The following MPRIP variants were observed in gnomAD, a reference collection of about 807,000 sequenced individuals.
MPRIP encodes myosin phosphatase Rho interacting protein, also known as myosin phosphatase Rho-interacting protein.
Under a neutral mutation model 234.9 loss-of-function variants are expected in MPRIP, and 59 were observed. The observed-to-expected ratio is 0.25, with a 90% CI of 0.20 to 0.31. MPRIP has a LOEUF of 0.31. MPRIP is among the 10% of genes least tolerant of loss of function. The pLI is 1.00. For synonymous variants in MPRIP, 1,144 were observed against 1,263.9 expected, an observed-to-expected ratio of 0.91 and a Z score of 2.01; for missense variants, 2,436 against 3,071.0, an observed-to-expected ratio of 0.79 and a Z score of 4.89.
intron 14 of MPRIP, among the ~76,000 whole-genome samples, chr17:17,160,143 C>T (rs1190630764): frequency 6.6e-6 from 1 of 151,992 alleles, no homozygotes; most frequent in Non-Finnish European, 1.5e-5. Flanking sequence ...CCGAGGCGGG[C>T]GGATCACAAG....
intron 9 of MPRIP, among the ~76,000 whole-genome samples, chr17:17,144,321 A>C (rs779053472): frequency 6.6e-6 from 1 of 152,142 alleles, no homozygotes; most frequent in Non-Finnish European, 1.5e-5. Context: ...TGCCAACCAC[A>C]GATTGATGTG....
At chr17:17,135,777 C>G (rs955209160) in intron 5 of MPRIP, among the ~76,000 whole-genome samples, 6 of 152,206 alleles carry the variant, frequency 3.9e-5, no homozygotes, top group Admixed American at 3.3e-4. Context: ...TGTGGGGAGA[C>G]ACAGACATTG....
At chr17:17,134,258 C>G (rs964872838) in intron 5 of MPRIP, among the ~76,000 whole-genome samples, 1 of 152,220 alleles carries the variant, frequency 6.6e-6, no homozygotes, top group African/African-American at 2.4e-5. Flanking sequence ...CCCTGCTTGG[C>G]AAGCAAGGCT....
rs1279607183 is a variant in MPRIP, at chr17:17,165,849, C to A, written c.4258C>A (p.His1420Asn). ...QSREALLALH[H>N]QWAGTEAQLR... ...CCGTGAGGCACTGCTCGCACTGCAC[C>A]ACCAGTGGGCGGGCACCGAGGCCCA... is the stretch of plus-strand genomic sequence containing the variant. The change falls in exon 16 of 24, where the codon CAC becomes AAC. Residue 1420 changes from histidine (H) to asparagine (N), a missense_variant. Physicochemically the swap from His to Asn is moderately conservative, Grantham distance 68. This residue lies in a region of MPRIP where 1,998 missense variants were observed against 2,520.3 expected (regional missense o/e 0.79). Transcript: ENST00000651222. The A allele has an allele frequency of 5.4e-6, 7 of 1,304,222 alleles. No homozygotes were observed. The highest frequency in any genetic ancestry group is 7.1e-6 in the Non-Finnish European group (7 of 988,966). The allele number at this position is 1,304,222 out of a possible 1,614,324, so 80.8% of individuals were successfully genotyped here.
intron 1 of MPRIP, chr17:17,057,975 A>G (rs1811637532): frequency 2.3e-6 from 1 of 431,940 alleles, no homozygotes; most frequent in African/African-American, 2.0e-5. Context: ...TAAGAAAGAG[A>G]ACACTGACAT....
intron 3 of MPRIP, among the ~76,000 whole-genome samples, chr17:17,109,935 A>G (rs2090137388): frequency 6.6e-6 from 1 of 152,064 alleles, no homozygotes; most frequent in Non-Finnish European, 1.5e-5. Flanking sequence ...TAAATACTGT[A>G]ATGTTGGATT....
chr17:17,127,119 C>A (rs1168330772), intron 4 of MPRIP, among the ~76,000 whole-genome samples: 1 of 152,222 alleles, frequency 6.6e-6, no homozygotes, highest in Non-Finnish European at 1.5e-5. Context: ...ACTCACCACA[C>A]CCCCAACTCA....
intron 23 of MPRIP, among the ~76,000 whole-genome samples, chr17:17,180,934 C>T (rs1011494975): frequency 2.0e-5 from 3 of 152,230 alleles, no homozygotes; most frequent in Admixed American, 2.0e-4. Flanking sequence ...CTGTGCACAA[C>T]GGCTGAACTC....
chr17:17,097,885 A>G (rs1233304479), intron 3 of MPRIP, among the ~76,000 whole-genome samples: 1 of 152,184 alleles, frequency 6.6e-6, no homozygotes, highest in Non-Finnish European at 1.5e-5. Flanking sequence ...CACCACACAG[A>G]TGTTTAAGAC....
At chr17:17,071,618 C>T (rs1348826742) in intron 1 of MPRIP, among the ~76,000 whole-genome samples, 4 of 152,214 alleles carry the variant, frequency 2.6e-5, no homozygotes, top group Admixed American at 2.6e-4. Flanking sequence ...AGGTTGAAGG[C>T]ACACCCAGAC....
intron 23 of MPRIP, among the ~76,000 whole-genome samples, chr17:17,180,880 G>A (rs1180935047): frequency 6.6e-6 from 1 of 152,268 alleles, no homozygotes; most frequent in Non-Finnish European, 1.5e-5. Flanking sequence ...AGCCTGGTGG[G>A]CAGGCAGAGA....
At chr17:17,066,108 G>C (rs1436959883) in intron 1 of MPRIP, among the ~76,000 whole-genome samples, 4 of 152,110 alleles carry the variant, frequency 2.6e-5, no homozygotes, top group African/African-American at 9.7e-5. Flanking sequence ...TGTCAGTTTT[G>C]ATCTATATGC....
chr17:17,088,926 G>A (rs2089652794), intron 3 of MPRIP, among the ~76,000 whole-genome samples: 1 of 152,200 alleles, frequency 6.6e-6, no homozygotes, highest in Non-Finnish European at 1.5e-5. Flanking sequence ...TGCACTGGTG[G>A]GATCTCAGAG....
intron 2 of MPRIP, chr17:17,077,780 A>T: frequency 6.8e-6 from 3 of 439,878 alleles, no homozygotes; most frequent in Non-Finnish European, 1.2e-5. Context: ...AAGACTTCTT[A>T]TTAAGCCTCA....
chr17:17,169,202 G>A, intron 16 of MPRIP: 1 of 359,722 alleles, frequency 2.8e-6, no homozygotes, highest in East Asian at 7.4e-5. Flanking sequence ...TTCACCAAGA[G>A]CAGCACTGAG....
At chr17:17,177,147 A>G (rs1297346128) in intron 21 of MPRIP, 103 bp from the exon 22 acceptor site, 8 of 1,202,504 alleles carry the variant, frequency 6.7e-6, no homozygotes, top group African/African-American at 1.5e-5. Flanking sequence ...TTCCGCCCAC[A>G]GCAAGCCTCC....
chr17:17,166,631 G>A lies in MPRIP; in HGVS notation c.5040G>A (p.Arg1680=). 3.1e-6 allele frequency: 4 copies of A among 1,304,082 alleles called. 1 individual carries two copies. Among genetic ancestry groups the A allele is most frequent in the Non-Finnish European group, 4.0e-6 (4 of 988,912 alleles). The allele number at this position is 1,304,082 out of a possible 1,614,324, so 80.8% of individuals were successfully genotyped here. A position where few individuals can be genotyped will look rare whatever the true frequency, so the allele number is the denominator to read the frequency against. ...TCAGCTTTGCCACACAGTCAGTGAG[G>A]GAGTCGTTCCACCGCAGGCTACAGA... The part of the protein sequence containing the change: ...AELSFATQSV[R]ESFHRRLQSI... Residue 1680 remains arginine, a synonymous_variant, in exon 16 of 24, where the codon AGG becomes AGA. Transcript: ENST00000651222. This position sits in a 1 kb window ranked among gnomAD's most constrained non-coding sequence, Gnocchi z 4.4.
chr17:17,125,561 T>G (rs2090475334), intron 3 of MPRIP, among the ~76,000 whole-genome samples: 1 of 152,072 alleles, frequency 6.6e-6, no homozygotes, highest in Non-Finnish European at 1.5e-5. Flanking sequence ...CACAGGAGCT[T>G]GAGGTGGAGG....
chr17:17,171,717 G>A lies in MPRIP; in HGVS notation c.6325-1G>A. ...GATGAAGTCCCTTTTGCATTTTGCAGGCCACGTGCGAGCGAGGGTTTGCAG... is the reference window on the plus strand; with the variant it reads ...GATGAAGTCCCTTTTGCATTTTGCAAGCCACGTGCGAGCGAGGGTTTGCAG... On this transcript the variant is annotated splice_acceptor_variant, in intron 16 of 23. Transcript: ENST00000651222. LOFTEE classifies it high-confidence loss of function. 6.2e-7 allele frequency: 1 copy of A among 1,611,552 alleles called. No homozygotes were observed. Among genetic ancestry groups the A allele is most frequent in the Non-Finnish European group, 8.5e-7 (1 of 1,179,798 alleles).
Sources: gnomAD v4.1 joint callset for allele counts (sites outside exome capture counted in the v4.1 genomes callset) on GRCh38, gnomAD v4.1.1 for gene constraint, gnomAD v4.1.1 regional missense constraint, Gnocchi (gnomAD v3.1) non-coding constraint, MANE v1.5 for transcripts, NCBI Gene and HGNC (gene_info 2026-07-23, HGNC 2026-07-21) for gene names.